Variants in MAP4K4 observed in about 807,000 individuals in gnomAD.
The protein encoded by MAP4K4 is mitogen-activated protein kinase kinase kinase kinase 4, also known as HPK/GCK-like kinase HGK.
A neutral mutation model predicts 189.6 loss-of-function variants in MAP4K4; 38 were observed. The observed-to-expected ratio is 0.20, with a 90% CI of 0.15 to 0.26. The LOEUF (loss-of-function observed/expected upper bound fraction) is 0.26, where lower values mean the gene tolerates loss of function less well. Ranked by LOEUF, MAP4K4 falls within the 10% of genes least tolerant of loss-of-function variation. MAP4K4 has a pLI of 1.00. For synonymous variants in MAP4K4, 610 were observed against 624.3 expected (o/e 0.98, Z 0.34); for missense variants, 1,054 against 1,726.9 (o/e 0.61, Z 6.91).
At chr2:101,848,296 C>G (rs1158693785) in intron 12 of MAP4K4, among the ~76,000 whole-genome samples, 1 of 152,138 alleles carries the variant, frequency 6.6e-6, no homozygotes, top group Non-Finnish European at 1.5e-5. Flanking sequence ...TGTACAGATG[C>G]AGTGCTTTCA....
chr2:101,762,923 G>T (rs1220108028), intron 2 of MAP4K4, among the ~76,000 whole-genome samples: 1 of 152,188 alleles, frequency 6.6e-6, no homozygotes, highest in Non-Finnish European at 1.5e-5. Flanking sequence ...GGTGTTATGT[G>T]TGTGGTGGTG....
chr2:101,824,419 C>G (rs771321177), intron 4 of MAP4K4, among the ~76,000 whole-genome samples: 5 of 152,100 alleles, frequency 3.3e-5, no homozygotes, highest in Non-Finnish European at 7.4e-5. Context: ...GAGCTTACCA[C>G]TTGGAAATGA....
intron 3 of MAP4K4, among the ~76,000 whole-genome samples, chr2:101,821,760 A>C (rs1298869898): frequency 1.3e-5 from 2 of 152,236 alleles, no homozygotes; most frequent in East Asian, 1.9e-4. Flanking sequence ...TGCTTTCTTC[A>C]ATAATTAACT....
chr2:101,863,787 G>A (rs780852577), intron 16 of MAP4K4, 34 bp from the exon 17 acceptor site: 31 of 1,317,100 alleles, frequency 2.4e-5, no homozygotes, highest in African/African-American at 1.5e-4. Flanking sequence ...TATGCAGAAC[G>A]CATTGAATGT....
intron 3 of MAP4K4, among the ~76,000 whole-genome samples, chr2:101,805,475 G>A (rs2094838929): frequency 6.6e-6 from 1 of 152,208 alleles, no homozygotes; most frequent in Non-Finnish European, 1.5e-5. Context: ...ATTCTGTGGT[G>A]TCCCACTAAC....
intron 2 of MAP4K4, among the ~76,000 whole-genome samples, chr2:101,759,141 AG>A (rs1404574664): frequency 4.3e-5 from 2 of 46,162 alleles, no homozygotes; most frequent in Admixed American, 4.4e-4. Context: ...TCAAAAAAAA[AG>A]AAAAAAAAAA....
intron 3 of MAP4K4, among the ~76,000 whole-genome samples, chr2:101,817,634 G>A (rs985828769): frequency 2.6e-5 from 4 of 152,160 alleles, no homozygotes; most frequent in Admixed American, 2.0e-4. Flanking sequence ...TCCAGAGGGC[G>A]CGCTGGGGGC....
intron 2 of MAP4K4, among the ~76,000 whole-genome samples, chr2:101,783,787 T>G (rs545554390): frequency 6.6e-6 from 1 of 152,314 alleles, no homozygotes; most frequent in African/African-American, 2.4e-5. Context: ...TCTCTTCTGT[T>G]GCAGGTACAC....
intron 11 of MAP4K4, among the ~76,000 whole-genome samples, chr2:101,843,499 G>A (rs1282073343): frequency 2.0e-5 from 3 of 152,144 alleles, no homozygotes; most frequent in Non-Finnish European, 4.4e-5. Flanking sequence ...ACTGTATGAC[G>A]AAAAAGGCAA....
chr2:101,799,565 T>C lies in MAP4K4; in HGVS notation c.180+8789T>C, dbSNP rs576080906. On this transcript the variant is annotated intron_variant, in intron 3 of 32. Transcript: ENST00000324219. ...CTTTGCCCTGTGAACTGTCTTCTTC[T>C]GCTGTATATGTGTGTGGGTTTTTTT... 9.2e-5 allele frequency among the ~76,000 whole-genome samples: 14 copies of C among 152,082 alleles called. No individual in the cohort carries two copies. In the South Asian group the frequency reaches 1.5e-3, roughly 16 times the overall value.
chr2:101,814,054 A>G (rs942379069), intron 3 of MAP4K4, among the ~76,000 whole-genome samples: 1 of 152,206 alleles, frequency 6.6e-6, no homozygotes, highest in African/African-American at 2.4e-5. Flanking sequence ...TAATTATTGA[A>G]GGCATGATGA....
intron 16 of MAP4K4, 175 bp downstream of exon 16, chr2:101,861,161 T>C (rs1010054052): frequency 2.7e-5 from 16 of 589,780 alleles, no homozygotes; most frequent in Admixed American, 2.3e-4. Context: ...GAAATATCTT[T>C]TTCTTTCTTT....
chr2:101,721,406 AGC>A (rs1474453441), intron 2 of MAP4K4, among the ~76,000 whole-genome samples: 1 of 150,164 alleles, frequency 6.7e-6, no homozygotes, highest in African/African-American at 2.5e-5. Context: ...ATCTTTGAGT[AGC>A]GTGTTAAGGG....
In MAP4K4 at chr2:101,852,137, G is replaced by GT. The variant is rs113049423; in HGVS notation, c.1234-3828dup. 7.9e-3 allele frequency among the ~76,000 whole-genome samples: 1,128 copies of GT among 142,674 alleles called. 11 individuals are homozygous for GT. The highest frequency in any genetic ancestry group is 0.011 in the Admixed American group (162 of 14,248). 93.6% of individuals were successfully genotyped at this position (142,674 alleles called of 152,430 possible). A position where few individuals can be genotyped will look rare whatever the true frequency, so the allele number is the denominator to read the frequency against. Reference sequence around the variant, plus strand: ...CAATATCTGGAGGCATAAAGGAGGTGTTTTTTTTTTTTGTTTTTATTAGTA... The same window carrying GT: ...CAATATCTGGAGGCATAAAGGAGGTGTTTTTTTTTTTTTGTTTTTATTAGTA... On this transcript the variant is annotated intron_variant, in intron 12 of 32. Coordinates refer to ENST00000324219, the Ensembl canonical transcript of MAP4K4.
At chr2:101,701,300 C>T (rs1293365069) in intron 2 of MAP4K4, among the ~76,000 whole-genome samples, 1 of 151,980 alleles carries the variant, frequency 6.6e-6, no homozygotes, top group Non-Finnish European at 1.5e-5. Flanking sequence ...TTGGGGCGAA[C>T]GACTCTCCTG....
In MAP4K4 at chr2:101,856,200, G is replaced by A. The variant is rs531022763; in HGVS notation, c.1395+62G>A. 1.0e-5 allele frequency: 15 copies of A among 1,499,830 alleles called. No individual in the cohort carries two copies. The African/African-American group carries it at 2.0e-4, about 20-fold the overall frequency. 92.9% of individuals were successfully genotyped at this position (1,499,830 alleles called of 1,614,324 possible). On this transcript the variant is annotated intron_variant, in intron 13 of 32. Transcript: ENST00000324219. Reference sequence around the variant, plus strand: ...GAAGTTTGTTACTTTGCAGAGCTGGGGGATTTTTAGAAAGTATACACACAT... The same window carrying A: ...GAAGTTTGTTACTTTGCAGAGCTGGAGGATTTTTAGAAAGTATACACACAT...
chr2:101,740,774 C>A (rs900872522), intron 2 of MAP4K4, among the ~76,000 whole-genome samples: 10 of 151,610 alleles, frequency 6.6e-5, no homozygotes, highest in South Asian at 6.2e-4. Context: ...GAAAAAAAAA[C>A]CTTATTTTTA....
intron 2 of MAP4K4, among the ~76,000 whole-genome samples, chr2:101,773,469 A>G (rs2082434662): frequency 1.3e-5 from 2 of 152,216 alleles, no homozygotes; most frequent in Non-Finnish European, 2.9e-5. Flanking sequence ...ATGGATACAT[A>G]GTAGGTGTAT....
chr2:101,843,472 T>G (rs1480483424), intron 11 of MAP4K4, among the ~76,000 whole-genome samples: 2 of 152,162 alleles, frequency 1.3e-5, no homozygotes, highest in African/African-American at 4.8e-5. Flanking sequence ...ATGTAATTGT[T>G]TTTGAATAGG....
Sources: allele counts gnomAD v4.1 joint callset (sites outside exome capture counted in the v4.1 genomes callset), GRCh38; gene constraint gnomAD v4.1.1; transcripts MANE v1.5; gene names NCBI Gene and HGNC (gene_info 2026-07-23, HGNC 2026-07-21).